DNAH6: variants seen among roughly 807,000 people sequenced by gnomAD.
The protein encoded by DNAH6 is dynein axonemal heavy chain 6.
In DNAH6, 340 loss-of-function variants were observed where a neutral mutation model predicts 491.4. The ratio of observed to expected loss-of-function variants is 0.69; its 90% CI spans 0.63 to 0.76. The LOEUF is 0.76. Ranked by LOEUF, DNAH6 falls within the 30% of genes least tolerant of loss-of-function variation. DNAH6 has a pLI of 0.00. For synonymous variants in DNAH6, 1,603 were observed against 1,686.1 expected, an observed-to-expected ratio of 0.95 and a Z score of 1.21; for missense variants, 4,443 against 4,972.2, an observed-to-expected ratio of 0.89 and a Z score of 3.20.
chr2:84,481,545 G>A, the DNAH6 span, among the ~76,000 whole-genome samples: 1,682 of 152,266 alleles, frequency 0.011, 28 homozygotes, highest in African/African-American at 0.039. Context: ...TCACAGCAGT[G>A]TCACCTTGGG....
intron 18 of DNAH6, among the ~76,000 whole-genome samples, chr2:84,602,329 T>A (rs979881902): frequency 6.6e-6 from 1 of 152,044 alleles, no homozygotes; most frequent in African/African-American, 2.4e-5. Context: ...TAGTTTTGAA[T>A]GATATTTTCA....
chr2:84,753,484 A>G (rs74785017), intron 63 of DNAH6, among the ~76,000 whole-genome samples: 1,727 of 152,112 alleles, frequency 0.011, 36 homozygotes, highest in African/African-American at 0.04. Flanking sequence ...ATTTACACCT[A>G]TGTTTTCTTC....
chr2:84,462,686 A>G, the DNAH6 span, among the ~76,000 whole-genome samples: 1 of 152,242 alleles, frequency 6.6e-6, no homozygotes, highest in African/African-American at 2.4e-5. Flanking sequence ...AGAACTGCAG[A>G]AATTCATGAG....
chr2:84,630,194 C>T (rs752860009), intron 29 of DNAH6, among the ~76,000 whole-genome samples: 5 of 152,062 alleles, frequency 3.3e-5, no homozygotes, highest in Non-Finnish European at 4.4e-5. Flanking sequence ...GGGATGATAA[C>T]ATTAGAAATT....
At chr2:84,683,720 GC>G (rs1221640086) in intron 42 of DNAH6, among the ~76,000 whole-genome samples, 1 of 152,024 alleles carries the variant, frequency 6.6e-6, no homozygotes, top group East Asian at 1.9e-4. Flanking sequence ...ACTGCGCCCG[GC>G]CAATATTTTT....
chr2:84,462,507 A>G, the DNAH6 span, among the ~76,000 whole-genome samples: 1 of 152,160 alleles, frequency 6.6e-6, no homozygotes, highest in Non-Finnish European at 1.5e-5. Context: ...AAATTTTCTA[A>G]ATTGACTGAG....
chr2:84,590,622 A>G (rs1280528332), intron 16 of DNAH6, among the ~76,000 whole-genome samples: 1 of 151,952 alleles, frequency 6.6e-6, no homozygotes, highest in African/African-American at 2.4e-5. Context: ...TTTCCCTTGG[A>G]CACACTGACT....
At chr2:84,542,977 G>A (rs1242833311) in intron 4 of DNAH6, among the ~76,000 whole-genome samples, 1 of 152,086 alleles carries the variant, frequency 6.6e-6, no homozygotes, top group Admixed American at 6.6e-5. Flanking sequence ...TGGTCAACAT[G>A]GTGAAACCCT....
intron 57 of DNAH6, 31 bp from the exon 58 acceptor site, chr2:84,715,529 C>T (rs1402500699): frequency 1.3e-6 from 2 of 1,545,392 alleles, no homozygotes; most frequent in East Asian, 2.4e-5. Flanking sequence ...TGCACTTAAG[C>T]ATTTTTATGC....
intron 66 of DNAH6, 69 bp from the exon 67 acceptor site, chr2:84,785,541 G>A: frequency 1.4e-6 from 2 of 1,385,672 alleles, no homozygotes; most frequent in Admixed American, 2.9e-5. Context: ...CAGTCTATGT[G>A]TGTTATTCAG....
the DNAH6 span, among the ~76,000 whole-genome samples, chr2:84,465,868 C>T: frequency 6.6e-6 from 1 of 152,174 alleles, no homozygotes; most frequent in Non-Finnish European, 1.5e-5. Flanking sequence ...CCAATTTTTA[C>T]TAAAGACAAA....
At chr2:84,578,537 C>T (rs1682701859) in intron 13 of DNAH6, among the ~76,000 whole-genome samples, 1 of 152,104 alleles carries the variant, frequency 6.6e-6, no homozygotes, top group Non-Finnish European at 1.5e-5. Flanking sequence ...TTTCTCTTTC[C>T]TGAGCCTCCT....
intron 12 of DNAH6, among the ~76,000 whole-genome samples, chr2:84,576,172 C>T (rs1396419897): frequency 6.6e-6 from 1 of 152,182 alleles, no homozygotes; most frequent in Non-Finnish European, 1.5e-5. Context: ...CATTTAACAT[C>T]TTAATTTAGT....
chr2:84,775,212 G>T (rs1352079713), intron 64 of DNAH6, among the ~76,000 whole-genome samples: 1 of 151,878 alleles, frequency 6.6e-6, no homozygotes, highest in Non-Finnish European at 1.5e-5. Flanking sequence ...AATAATTTTT[G>T]TCATGAAGAA....
the DNAH6 span, among the ~76,000 whole-genome samples, chr2:84,478,191 C>T: frequency 6.6e-6 from 1 of 152,144 alleles, no homozygotes; most frequent in Non-Finnish European, 1.5e-5. Context: ...CTTAACACTT[C>T]CTCCTAGGAG....
In DNAH6 at chr2:84,619,800, G is replaced by T; in HGVS notation, c.3688G>T (p.Ala1230Ser). 1 of 1,551,550 alleles carries T rather than the reference G, an allele frequency of 6.4e-7. No homozygotes were observed. Among genetic ancestry groups the T allele is most frequent in the Non-Finnish European group, 8.7e-7 (1 of 1,146,860 alleles). Residue 1230 changes from alanine (A) to serine (S), a missense_variant, in exon 24 of 77, where the codon GCT becomes TCT. Physicochemically the swap from Ala to Ser is moderately conservative, Grantham distance 99. Transcript: ENST00000389394. ...CGACTCCATTTCAAAGCTCGAATTT[G>T]CTCTCATGCCTCCTGCCGAAGGAAA... ...CFDSISKLEFALMPPAEGKIP... is the reference protein window; with the variant it reads ...CFDSISKLEFSLMPPAEGKIP...
rs545896445 is a variant in DNAH6 at position 84,753,783 on chromosome 2, C to G, written c.10512+8534C>G. Among the ~76,000 whole-genome samples the G allele has an allele frequency of 2.0e-3, 219 of 108,350 alleles. 1 individual carries two copies. The highest frequency in any genetic ancestry group is 8.2e-3 in the African/African-American group (217 of 26,350). 71.1% of individuals were successfully genotyped at this position (108,350 alleles called of 152,430 possible). A position where few individuals can be genotyped will look rare whatever the true frequency, so the allele number is the denominator to read the frequency against. ...AAAAAAAAAAAAAAAAAAAAAAGTA[C>G]AGTTTTGGCTCTTACATTTAGATCT... On this transcript the variant is annotated intron_variant, in intron 63 of 76. Transcript: ENST00000389394.
intron 63 of DNAH6, among the ~76,000 whole-genome samples, chr2:84,758,886 C>T (rs1342664981): frequency 6.6e-6 from 1 of 152,040 alleles, no homozygotes; most frequent in Non-Finnish European, 1.5e-5. Context: ...TGGAAGAAAA[C>T]AAGGATGCCC....
At chr2:84,526,254 T>A (rs1163755320) in intron 3 of DNAH6, among the ~76,000 whole-genome samples, 3 of 151,730 alleles carry the variant, frequency 2.0e-5, no homozygotes, top group Non-Finnish European at 2.9e-5. Context: ...GGGGAGAAAA[T>A]ATGAAAGGCA....
Sources: allele counts gnomAD v4.1 joint callset (sites outside exome capture counted in the v4.1 genomes callset), GRCh38; gene constraint gnomAD v4.1.1; transcripts MANE v1.5; gene names NCBI Gene and HGNC (gene_info 2026-07-23, HGNC 2026-07-21).